Variants in RPS6KA2 observed in about 807,000 individuals in gnomAD.
RPS6KA2 encodes the protein ribosomal protein S6 kinase alpha-2.
A neutral mutation model predicts 91.8 loss-of-function variants in RPS6KA2; 42 were observed. That is an observed-to-expected ratio of 0.46 (90% CI 0.36 to 0.59). The LOEUF (loss-of-function observed/expected upper bound fraction) is 0.59, where lower values mean the gene tolerates loss of function less well. Ranked by LOEUF, RPS6KA2 falls within the 20% of genes least tolerant of loss-of-function variation. The pLI, the probability that RPS6KA2 is intolerant of heterozygous loss-of-function variation, is 0.00. For missense variants in RPS6KA2, 798 were observed against 978.5 expected (o/e 0.82, Z 2.46); for synonymous variants, 414 against 393.6 (o/e 1.05, Z -0.61).
intron 2 of RPS6KA2, among the ~76,000 whole-genome samples, chr6:166,686,957 G>A (rs375006619): frequency 9.6e-4 from 146 of 152,346 alleles, no homozygotes; most frequent in Middle Eastern, 6.8e-3. Context: ...GTACAAGTCC[G>A]GAGGGACTGA....
At chr6:166,799,554 CA>C (rs1309593362) in intron 2 of RPS6KA2, among the ~76,000 whole-genome samples, 1 of 146,180 alleles carries the variant, frequency 6.8e-6, no homozygotes, top group African/African-American at 2.5e-5. Flanking sequence ...AAAGGAGTCA[CA>C]AAAAAAATTG....
intron 10 of RPS6KA2, among the ~76,000 whole-genome samples, chr6:166,481,348 C>A (rs1243303216): frequency 6.6e-6 from 1 of 152,234 alleles, no homozygotes; most frequent in East Asian, 1.9e-4. Context: ...GAAGGCTCAG[C>A]TCTAATTTGT....
At chr6:166,469,704 T>C in intron 11 of RPS6KA2, 137 bp downstream of exon 11, 1 of 795,322 alleles carries the variant, frequency 1.3e-6, no homozygotes, top group Non-Finnish European at 2.2e-6. Flanking sequence ...GCTCCCTGCC[T>C]GCAGGTGGCT....
intron 2 of RPS6KA2, among the ~76,000 whole-genome samples, chr6:166,671,871 G>C (rs556032993): frequency 3.3e-5 from 5 of 152,164 alleles, no homozygotes; most frequent in Non-Finnish European, 5.9e-5. Flanking sequence ...CCTCAGAGAT[G>C]CAAATTGGGT....
intron 2 of RPS6KA2, among the ~76,000 whole-genome samples, chr6:166,717,373 C>T (rs1285139679): frequency 1.3e-5 from 2 of 152,214 alleles, no homozygotes; most frequent in Admixed American, 6.5e-5. Context: ...CAAAGACCAG[C>T]CACAGCCTGG....
At chr6:166,812,115 G>A (rs1454342063) in intron 2 of RPS6KA2, among the ~76,000 whole-genome samples, 1 of 152,176 alleles carries the variant, frequency 6.6e-6, no homozygotes, top group Non-Finnish European at 1.5e-5. Context: ...AGAACTTTGG[G>A]AGGCCAAGAC....
rs1215696760 is a variant in RPS6KA2, at chr6:166,490,668, C to T, written c.818+3G>A. 3 of 1,606,814 alleles carry T rather than the reference C, an allele frequency of 1.9e-6. No individual in the cohort carries two copies. Among genetic ancestry groups the T allele is most frequent in the Admixed American group, 1.7e-5 (1 of 59,534 alleles). ...TCTCTGGGGTGGCTCCCACACTACT[C>T]ACTTGAGGATGAGAGCCATGGTCTC... On this transcript the variant is annotated splice_donor_region_variant and intron_variant, in intron 9 of 20. Transcript: ENST00000265678. The surrounding 1 kb of genome is among the most constrained non-coding windows in gnomAD (Gnocchi z 4.2).
At chr6:166,800,115 C>G (rs1297950035) in intron 2 of RPS6KA2, among the ~76,000 whole-genome samples, 1 of 152,192 alleles carries the variant, frequency 6.6e-6, no homozygotes, top group Non-Finnish European at 1.5e-5. Flanking sequence ...AAATAGATCA[C>G]TCTGTTTCAA....
intron 14 of RPS6KA2, among the ~76,000 whole-genome samples, chr6:166,442,276 T>C (rs1012369468): frequency 2.0e-5 from 3 of 152,214 alleles, no homozygotes; most frequent in African/African-American, 7.2e-5. Context: ...CTGAGATGCA[T>C]AGAGCATCTG....
rs551491726 is a variant in RPS6KA2 at position 166,565,400 on chromosome 6, G to A, written c.100-26616C>T. On this transcript the variant is annotated intron_variant, in intron 1 of 20. Coordinates refer to ENST00000265678, the MANE Select transcript of RPS6KA2 (RefSeq NM_021135.6). ...GGACTGACTGAGCTCATCAGACCCCGGGATCCAAAGCCTGTGCTGGGATGC... is the reference window on the plus strand; with the variant it reads ...GGACTGACTGAGCTCATCAGACCCCAGGATCCAAAGCCTGTGCTGGGATGC... Among the ~76,000 whole-genome samples the A allele has an allele frequency of 3.3e-5, 5 of 152,344 alleles. No homozygotes were observed. The South Asian group carries it at 6.2e-4, about 19-fold the overall frequency.
chr6:166,449,280 A>G (rs1583148382), intron 13 of RPS6KA2, among the ~76,000 whole-genome samples: 1 of 152,250 alleles, frequency 6.6e-6, no homozygotes, highest in East Asian at 1.9e-4. Context: ...TCTGACCTGC[A>G]TGCAGCAGCC....
At chr6:166,636,673 G>C (rs1787251130) in intron 2 of RPS6KA2, among the ~76,000 whole-genome samples, 1 of 152,128 alleles carries the variant, frequency 6.6e-6, no homozygotes, top group South Asian at 2.1e-4. Flanking sequence ...CTGTGACACA[G>C]AGCCCAGCTC....
At chr6:166,649,582 T>C (rs1187464039) in intron 2 of RPS6KA2, among the ~76,000 whole-genome samples, 1 of 152,152 alleles carries the variant, frequency 6.6e-6, no homozygotes, top group Non-Finnish European at 1.5e-5. Flanking sequence ...CCAATGGTCT[T>C]TTAGGGGTAA....
In RPS6KA2 at chr6:166,486,324, C is replaced by T. The variant is rs1162671189; in HGVS notation, c.907+2509G>A. Among the ~76,000 whole-genome samples, 3 of 152,290 alleles carry T rather than the reference C, an allele frequency of 2.0e-5. No homozygotes were observed. In the East Asian group the frequency reaches 5.8e-4, roughly 30 times the overall value. ...CACAGTGCCCCTGTGTGTGCTGCAG[C>T]ATGGGCCCTCTGTCCTGATCAGGCG... is the stretch of plus-strand genomic sequence containing the variant. On this transcript the variant is annotated intron_variant, in intron 10 of 20. Coordinates refer to ENST00000265678, the MANE Select transcript of RPS6KA2 (RefSeq NM_021135.6).
intron 2 of RPS6KA2, chr6:166,702,407 C>T: frequency 1.2e-6 from 2 of 1,604,212 alleles, no homozygotes; most frequent in Admixed American, 3.3e-5. Context: ...TAACTGAAAT[C>T]CATTCAGTTT....
chr6:166,597,572 TAA>T (rs1275207335), intron 1 of RPS6KA2, among the ~76,000 whole-genome samples: 1 of 152,156 alleles, frequency 6.6e-6, no homozygotes, highest in Non-Finnish European at 1.5e-5. Context: ...AGGAGACATT[TAA>T]CACATAAAGA....
At chr6:166,464,002 G>C (rs1244586612) in intron 11 of RPS6KA2, among the ~76,000 whole-genome samples, 1 of 152,182 alleles carries the variant, frequency 6.6e-6, no homozygotes, top group Non-Finnish European at 1.5e-5. Flanking sequence ...TGAAGGGGGA[G>C]TGCTCCTAGT....
intron 2 of RPS6KA2, among the ~76,000 whole-genome samples, chr6:166,848,655 G>T (rs149961836): frequency 1.8e-4 from 27 of 152,240 alleles, no homozygotes; most frequent in South Asian, 1.7e-3. Flanking sequence ...CTCAAGAATG[G>T]AAAACCAAAC....
At chr6:166,552,844 T>C (rs952991632) in intron 1 of RPS6KA2, among the ~76,000 whole-genome samples, 13 of 152,236 alleles carry the variant, frequency 8.5e-5, no homozygotes, top group Admixed American at 5.2e-4. Context: ...TTCAGTGGCA[T>C]AGCAGGGATG....
Sources: allele counts gnomAD v4.1 joint callset (sites outside exome capture counted in the v4.1 genomes callset), GRCh38; gene constraint gnomAD v4.1.1; non-coding constraint Gnocchi (gnomAD v3.1); transcripts MANE v1.5; gene names NCBI Gene and HGNC (gene_info 2026-07-23, HGNC 2026-07-21).